Variants in EXD3 observed in about 807,000 individuals in gnomAD.
The protein encoded by EXD3 is exonuclease mut-7 homolog.
Under a neutral mutation model 98.0 loss-of-function variants are expected in EXD3, and 92 were observed. The ratio of observed to expected loss-of-function variants is 0.94; its 90% CI spans 0.79 to 1.12. The LOEUF (loss-of-function observed/expected upper bound fraction) is 1.12. Among genes scored for constraint, EXD3 ranks in the 50% most tolerant of loss-of-function variants. The pLI, the probability that EXD3 is intolerant of heterozygous loss-of-function variation, is 0.00. For synonymous variants in EXD3, 569 were observed against 526.0 expected (o/e 1.08, Z -1.12); for missense variants, 1,222 against 1,191.6 (o/e 1.03, Z -0.38).
intron 2 of EXD3, among the ~76,000 whole-genome samples, chr9:137,387,536 T>C (rs28470994): frequency 0.16 from 24,439 of 152,108 alleles, 2,542 homozygotes; most frequent in African/African-American, 0.29. Flanking sequence ...GGGCGGCTTC[T>C]GTCTGAACGA....
At chr9:137,322,738 G>A (rs1275590178) in intron 19 of EXD3, among the ~76,000 whole-genome samples, 1 of 121,498 alleles carries the variant, frequency 8.2e-6, no homozygotes, top group Non-Finnish European at 1.7e-5. Context: ...GACCCACGAG[G>A]GATGCTCTGC....
intron 19 of EXD3, among the ~76,000 whole-genome samples, chr9:137,319,851 T>TG (rs1477145585): frequency 6.6e-6 from 1 of 152,262 alleles, no homozygotes; most frequent in East Asian, 1.9e-4. Context: ...CTTGTGCACA[T>TG]GGGGGGCCCT....
chr9:137,354,257 C>A (rs11507676), intron 10 of EXD3, 82 bp downstream of exon 10: 5 of 1,567,790 alleles, frequency 3.2e-6, no homozygotes, highest in Non-Finnish European at 4.3e-6. Flanking sequence ...CTGCGCACTT[C>A]CACCAGGAGG....
At chr9:137,309,748 G>A (rs776326186) in intron 19 of EXD3, 48 bp from the exon 20 acceptor site, 14 of 1,433,966 alleles carry the variant, frequency 9.8e-6, no homozygotes, top group Non-Finnish European at 1.3e-5. Context: ...TTCTCCGGGT[G>A]CCCCATACCC....
rs375768555 is a variant in EXD3, at chr9:137,375,071, C to T, written c.121-1472G>A. 4.6e-5 allele frequency among the ~76,000 whole-genome samples: 7 copies of T among 151,914 alleles called. No individual in the cohort carries two copies. The East Asian group carries it at 7.8e-4, about 17-fold the overall frequency. On this transcript the variant is annotated intron_variant, in intron 3 of 21. Transcript: ENST00000340951. The stretch of plus-strand genomic sequence containing the variant: ...TCGCCCAGGCTGGAGTGCAGTGGCG[C>T]GATCTCGACTCACTGCAAGCTCCGC...
At position 137,349,427 on chromosome 9, in the gene EXD3, C is replaced by T. The variant is rs201974283; in HGVS notation, c.1599G>A (p.Thr533=). The T allele has an allele frequency of 1.2e-4, 189 of 1,600,400 alleles. 1 individual carries two copies. In the Admixed American group the frequency reaches 1.3e-3, roughly 11 times the overall value. ...TCCGGTCCCAGTTGGACAGCTGCTG[C>T]GTCTTGTCCAGGGCTGTGCCCAGCA... is the stretch of plus-strand genomic sequence containing the variant. The part of the protein sequence containing the change: ...QQVLGTALDK[T]QQLSNWDRRP... The change falls in exon 15 of 22, where the codon ACG becomes ACA. Residue 533 remains threonine, a synonymous_variant. Transcript: ENST00000340951. This position sits in a 1 kb window ranked among gnomAD's most constrained non-coding sequence, Gnocchi z 7.4.
chr9:137,366,952 G>A (rs571510449), intron 6 of EXD3, among the ~76,000 whole-genome samples: 6 of 152,356 alleles, frequency 3.9e-5, no homozygotes, highest in Non-Finnish European at 7.3e-5. Flanking sequence ...CTGGTAGTCC[G>A]GAAATGCCTT....
intron 17 of EXD3, among the ~76,000 whole-genome samples, chr9:137,330,328 GGGACTACACAGGACTACACA>G (rs1227353075): frequency 2.4e-5 from 3 of 125,306 alleles, no homozygotes; most frequent in Non-Finnish European, 3.4e-5. Context: ...GGAGCTACAC[GGGACTACACAGGACTACACA>G]GGACTACACA....
At chr9:137,388,494 C>T (rs1003089697) in intron 2 of EXD3, among the ~76,000 whole-genome samples, 1 of 152,222 alleles carries the variant, frequency 6.6e-6, no homozygotes, top group South Asian at 2.1e-4. Flanking sequence ...GAGTGGGTGG[C>T]GCCGAAGGCT....
At chr9:137,377,752 C>A (rs559410124) in intron 3 of EXD3, among the ~76,000 whole-genome samples, 1 of 150,690 alleles carries the variant, frequency 6.6e-6, no homozygotes, top group East Asian at 1.9e-4. Flanking sequence ...AGGGAGGAAA[C>A]CTAAGAGAAC....
At position 137,347,868 on chromosome 9, in the gene EXD3, G is replaced by C. The variant is rs1250105860; in HGVS notation, c.1998+203C>G. ...CTGTAAATTCCTTTTGTGGGACAATGAGGGCTGAGGCTGGGACCATCTCAG... is the reference window on the plus strand; with the variant it reads ...CTGTAAATTCCTTTTGTGGGACAATCAGGGCTGAGGCTGGGACCATCTCAG... On this transcript the variant is annotated intron_variant, in intron 17 of 21. Coordinates refer to ENST00000340951, the MANE Select transcript of EXD3 (RefSeq NM_017820.5). The surrounding 1 kb of genome is among the most constrained non-coding windows in gnomAD (Gnocchi z 4.2). 6.6e-6 allele frequency among the ~76,000 whole-genome samples: 1 copy of C among 152,176 alleles called. No individual in the cohort carries two copies. The highest frequency in any genetic ancestry group is 1.5e-5 in the Non-Finnish European group (1 of 68,022).
At chr9:137,332,386 G>A (rs531169080) in intron 17 of EXD3, among the ~76,000 whole-genome samples, 1 of 151,966 alleles carries the variant, frequency 6.6e-6, no homozygotes, top group East Asian at 1.9e-4. Flanking sequence ...TCAGGAGATC[G>A]AGACCAGCCT....
At chr9:137,311,365 G>A (rs1831351314) in intron 19 of EXD3, among the ~76,000 whole-genome samples, 1 of 152,212 alleles carries the variant, frequency 6.6e-6, no homozygotes, top group Admixed American at 6.5e-5. Flanking sequence ...GAACAAGCAG[G>A]TGGTCCACCC....
At chr9:137,398,790 CCGCG>C (rs1165440951) in intron 1 of EXD3, among the ~76,000 whole-genome samples, 12 of 144,398 alleles carry the variant, frequency 8.3e-5, no homozygotes, top group African/African-American at 3.2e-4. Flanking sequence ...ACACAGGCAC[CCGCG>C]TCCCCGTGAC....
intron 17 of EXD3, among the ~76,000 whole-genome samples, chr9:137,333,759 C>T (rs1833217331): frequency 1.3e-5 from 2 of 152,192 alleles, no homozygotes; most frequent in Non-Finnish European, 2.9e-5. Flanking sequence ...GATACGGTTC[C>T]TGTACAGCCT....
At chr9:137,394,213 C>T (rs866916164) in intron 2 of EXD3, among the ~76,000 whole-genome samples, 37 of 73,842 alleles carry the variant, frequency 5.0e-4, no homozygotes, top group African/African-American at 2.3e-3. Flanking sequence ...GCTTCCCTAA[C>T]CCCGGCCTCC....
At chr9:137,321,418 C>CA (rs1220394112) in intron 19 of EXD3, among the ~76,000 whole-genome samples, 3 of 152,206 alleles carry the variant, frequency 2.0e-5, no homozygotes, top group Admixed American at 2.0e-4. Context: ...TGGGATTACT[C>CA]ACGCCTGTCA....
In EXD3 at chr9:137,351,442, G is replaced by A. The variant is rs200551018; in HGVS notation, c.1260C>T (p.Ala420=). The change falls in exon 13 of 22, where the codon GCC becomes GCT. Residue 420 remains alanine, a synonymous_variant. Transcript: ENST00000340951. Reference sequence around the variant, plus strand: ...CCAGAAGGAACACGTGGCCCTCCACGGCCACCTGCAGGAGTGACGGCCGAG... The same window carrying A: ...CCAGAAGGAACACGTGGCCCTCCACAGCCACCTGCAGGAGTGACGGCCGAG... The part of the protein sequence containing the change: ...GRPRPSLLQV[A]VEGHVFLLDV... 113 of 1,605,114 alleles carry A rather than the reference G, an allele frequency of 7.0e-5. No homozygotes were observed. The highest frequency in any genetic ancestry group is 3.3e-4 in the Middle Eastern group (2 of 6,048).
chr9:137,384,598 CAT>C (rs1256950577), intron 2 of EXD3, among the ~76,000 whole-genome samples: 2 of 152,236 alleles, frequency 1.3e-5, no homozygotes, highest in African/African-American at 4.8e-5. Flanking sequence ...AAAACAGAAA[CAT>C]CAGGACCGGC....
Sources: allele counts gnomAD v4.1 joint callset (sites outside exome capture counted in the v4.1 genomes callset), GRCh38; gene constraint gnomAD v4.1.1; non-coding constraint Gnocchi (gnomAD v3.1); transcripts MANE v1.5; gene names NCBI Gene and HGNC (gene_info 2026-07-23, HGNC 2026-07-21).